The following SLC27A2 variants were observed in gnomAD, a reference collection of about 807,000 sequenced individuals.
The protein encoded by SLC27A2 is long-chain fatty acid transport protein 2.
SLC27A2 carries 54 observed loss-of-function variants against 60.0 expected under a neutral mutation model. That is an observed-to-expected ratio of 0.90 (90% CI 0.72 to 1.13). SLC27A2 has a LOEUF of 1.13. Ranked by LOEUF, SLC27A2 falls within the 50% of genes most tolerant of loss-of-function variation. The pLI, the probability that SLC27A2 is intolerant of heterozygous loss-of-function variation, is 0.00. For missense variants in SLC27A2, 739 were observed against 777.6 expected, an observed-to-expected ratio of 0.95 and a Z score of 0.59; for synonymous variants, 297 against 297.6, an observed-to-expected ratio of 1.00 and a Z score of 0.02.
At position 50,227,145 on chromosome 15, in the gene SLC27A2, T is replaced by C. The variant is rs750242473; in HGVS notation, c.1424T>C (p.Ile475Thr). Reference sequence around the variant, plus strand: ...TTAATGGTTGACCATGAAAATTTCATCTATTTCCACGACAGAGTTGGAGAT... The same window carrying C: ...TTAATGGTTGACCATGAAAATTTCACCTATTTCCACGACAGAGTTGGAGAT... ...DLLMVDHENF[I>T]YFHDRVGDTF... Residue 475 changes from isoleucine to threonine, a missense_variant, in exon 7 of 10, where the codon ATC becomes ACC. Ile to Thr is a moderately conservative substitution (Grantham distance 89, BLOSUM62 -1). Coordinates refer to ENST00000267842, the MANE Select transcript of SLC27A2 (RefSeq NM_003645.4). 1 of 1,614,118 alleles carries C rather than the reference T, an allele frequency of 6.2e-7. No individual in the cohort carries two copies. The highest frequency in any genetic ancestry group is 1.1e-5 in the South Asian group (1 of 91,034).
intron 1 of SLC27A2, among the ~76,000 whole-genome samples, chr15:50,187,945 A>T (rs2044938390): frequency 6.6e-6 from 1 of 151,598 alleles, no homozygotes; most frequent in African/African-American, 2.4e-5. Flanking sequence ...AAAGCAAGAA[A>T]CATTTAGAGG....
chr15:50,202,473 G>C lies in SLC27A2; in HGVS notation c.689-14G>C. The C allele has an allele frequency of 6.2e-7, 1 of 1,613,972 alleles. No homozygotes were observed. The highest frequency in any genetic ancestry group is 8.5e-7 in the Non-Finnish European group (1 of 1,179,864). Reference sequence around the variant, plus strand: ...TCTTGGTTAACTCATGCCTTCTCTTGTATATTTACAAAGGTCTTCCAAAAG... The same window carrying C: ...TCTTGGTTAACTCATGCCTTCTCTTCTATATTTACAAAGGTCTTCCAAAAG... On this transcript the variant is annotated splice_polypyrimidine_tract_variant and intron_variant, in intron 2 of 9. Transcript: ENST00000267842.
chr15:50,217,201 T>C (rs936778947), intron 4 of SLC27A2, among the ~76,000 whole-genome samples: 2 of 152,078 alleles, frequency 1.3e-5, no homozygotes, highest in East Asian at 3.9e-4. Flanking sequence ...ACTGAAGACC[T>C]TACTCATGTA....
chr15:50,232,799 C>A (rs182285660), intron 8 of SLC27A2, among the ~76,000 whole-genome samples: 3 of 152,348 alleles, frequency 2.0e-5, no homozygotes, highest in Admixed American at 2.0e-4. Flanking sequence ...CTCCCTCAGA[C>A]AAGAAGCAAA....
rs772165205 is a variant in SLC27A2, at chr15:50,202,547, T to C, written c.749T>C (p.Phe250Ser). ...ATATGGTATGGAACTGGCCTCACTTTTGTAAGCGGATTGAAGGCAGATGAT... is the reference window on the plus strand; with the variant it reads ...ATATGGTATGGAACTGGCCTCACTTCTGTAAGCGGATTGAAGGCAGATGAT... ...QRIWYGTGLT[F>S]VSGLKADDVI... Residue 250 changes from phenylalanine to serine, a missense_variant, in exon 3 of 10, where the codon TTT (phenylalanine) becomes TCT (serine). Phe to Ser is a radical substitution (Grantham distance 155, BLOSUM62 -2). Transcript: ENST00000267842. 1.7e-5 allele frequency: 28 copies of C among 1,614,190 alleles called. No homozygotes were observed. The Admixed American group carries it at 2.8e-4, about 16-fold the overall frequency.
At chr15:50,196,503 A>G (rs938715434) in intron 1 of SLC27A2, among the ~76,000 whole-genome samples, 1 of 152,080 alleles carries the variant, frequency 6.6e-6, no homozygotes, top group African/African-American at 2.4e-5. Context: ...TCTTGAGATG[A>G]GTACTATTTT....
chr15:50,210,579 G>A (rs2045146786), intron 4 of SLC27A2, among the ~76,000 whole-genome samples: 1 of 152,220 alleles, frequency 6.6e-6, no homozygotes, highest in South Asian at 2.1e-4. Context: ...AAACTCCACA[G>A]GGAGAAGGAA....
intron 2 of SLC27A2, chr15:50,198,592 G>C (rs2045041966): frequency 6.6e-6 from 1 of 152,038 alleles, no homozygotes; most frequent in African/African-American, 2.4e-5. Flanking sequence ...GATATTTAGT[G>C]TCTGCCTACT....
At chr15:50,228,129 G>A (rs988072974) in intron 7 of SLC27A2, among the ~76,000 whole-genome samples, 1 of 152,152 alleles carries the variant, frequency 6.6e-6, no homozygotes, top group Non-Finnish European at 1.5e-5. Context: ...TGTAATCCCA[G>A]CAGTTTGGGA....
intron 1 of SLC27A2, among the ~76,000 whole-genome samples, chr15:50,196,944 C>G (rs1327230956): frequency 6.6e-6 from 1 of 152,062 alleles, no homozygotes; most frequent in Non-Finnish European, 1.5e-5. Context: ...TTAAAATTTT[C>G]TCTTTTTTTC....
At chr15:50,206,836 G>A (rs2045116968) in intron 4 of SLC27A2, among the ~76,000 whole-genome samples, 1 of 152,122 alleles carries the variant, frequency 6.6e-6, no homozygotes, top group Non-Finnish European at 1.5e-5. Context: ...TGAGTTGAGG[G>A]AGCTAAAATG....
At chr15:50,213,517 C>T (rs751659655) in intron 4 of SLC27A2, among the ~76,000 whole-genome samples, 9 of 152,234 alleles carry the variant, frequency 5.9e-5, no homozygotes, top group Middle Eastern at 6.8e-3. Flanking sequence ...TATTCAACAG[C>T]GCATAACTTT....
At position 50,236,211 on chromosome 15, in the gene SLC27A2, C is replaced by A; in HGVS notation, c.*115C>A. On this transcript the variant is annotated 3_prime_UTR_variant, in exon 10 of 10. Transcript: ENST00000267842. ...GTGAGGAAATTTTGTAGGAAATTTG[C>A]ATACCCGTAAAGGGAGACTTTTTTA... The A allele has an allele frequency of 1.2e-6, 1 of 864,686 alleles. No homozygotes were observed. The highest frequency in any genetic ancestry group is 1.7e-6 in the Non-Finnish European group (1 of 578,416). The allele number at this position is 864,686 out of a possible 1,614,324, so 53.6% of individuals were successfully genotyped here. A position where few individuals can be genotyped will look rare whatever the true frequency, so the allele number is the denominator to read the frequency against.
intron 4 of SLC27A2, 51 bp from the exon 5 acceptor site, chr15:50,222,914 A>G (rs1234208647): frequency 2.2e-6 from 3 of 1,394,982 alleles, no homozygotes; most frequent in Non-Finnish European, 2.0e-6. Flanking sequence ...ATATGTAAGC[A>G]TAGGCTCCAG....
chr15:50,223,550 T>C lies in SLC27A2; in HGVS notation c.1167+391T>C, dbSNP rs141397099. 1.9e-3 allele frequency among the ~76,000 whole-genome samples: 292 copies of C among 152,292 alleles called. 1 individual carries two copies. The highest frequency in any genetic ancestry group is 6.7e-3 in the African/African-American group (277 of 41,554). ...CATCACCTGGGGAGTTTTTTTTATA[T>C]GCACAGATGCAAGGACCAACCCGCT... On this transcript the variant is annotated intron_variant, in intron 5 of 9. Coordinates refer to ENST00000267842, the MANE Select transcript of SLC27A2 (RefSeq NM_003645.4).
intron 3 of SLC27A2, among the ~76,000 whole-genome samples, chr15:50,204,504 G>A (rs1322574923): frequency 6.6e-6 from 1 of 151,656 alleles, no homozygotes; most frequent in East Asian, 1.9e-4. Flanking sequence ...GAGGCCAAGG[G>A]GTACAGATCA....
At chr15:50,231,350 TTGG>T in intron 8 of SLC27A2, among the ~76,000 whole-genome samples, 1 of 152,220 alleles carries the variant, frequency 6.6e-6, no homozygotes, top group African/African-American at 2.4e-5. Flanking sequence ...TTTCACCATG[TTGG>T]TCAGGCTGCT....
In SLC27A2 at chr15:50,202,606, G is replaced by A. The variant is rs751390306; in HGVS notation, c.808G>A (p.Ala270Thr). The change falls in exon 3 of 10, where the codon GCT becomes ACT. Residue 270 changes from alanine (A) to threonine (T), a missense_variant. Coordinates refer to ENST00000267842, the MANE Select transcript of SLC27A2 (RefSeq NM_003645.4). ...TATCACTCTGCCCTTTTACCACAGT[G>A]CTGCACTACTGATTGGCATTCACGG... ...IYITLPFYHSAALLIGIHGCI... is the reference protein window; with the variant it reads ...IYITLPFYHSTALLIGIHGCI... The A allele has an allele frequency of 3.1e-5, 50 of 1,614,032 alleles. No homozygotes were observed. The highest frequency in any genetic ancestry group is 4.0e-5 in the Non-Finnish European group (47 of 1,180,028).
intron 5 of SLC27A2, among the ~76,000 whole-genome samples, chr15:50,224,609 C>T (rs2045267165): frequency 6.6e-6 from 1 of 152,178 alleles, no homozygotes; most frequent in South Asian, 2.1e-4. Context: ...CCCTCTCTGA[C>T]AATGACAGCT....
Sources: allele counts gnomAD v4.1 joint callset (sites outside exome capture counted in the v4.1 genomes callset), GRCh38; gene constraint gnomAD v4.1.1; transcripts MANE v1.5; gene names NCBI Gene and HGNC (gene_info 2026-07-23, HGNC 2026-07-21).